MMEL1: variants seen among roughly 807,000 people sequenced by gnomAD.
MMEL1 encodes the protein membrane metalloendopeptidase like 1.
MMEL1 carries 98 observed loss-of-function variants against 117.1 expected under a neutral mutation model. That is an observed-to-expected ratio of 0.84 (90% CI 0.71 to 0.99). The LOEUF (loss-of-function observed/expected upper bound fraction) is 0.99, where lower values mean the gene tolerates loss of function less well. Ranked by LOEUF, MMEL1 falls within the 50% of genes least tolerant of loss-of-function variation. The probability of loss-of-function intolerance (pLI) is 0.00; values close to 1 mark genes in which losing one functional copy is unlikely to be tolerated. For synonymous variants in MMEL1, 390 were observed against 415.1 expected (o/e 0.94, Z 0.74); for missense variants, 1,014 against 1,049.1 (o/e 0.97, Z 0.46).
rs766925929 is a variant in MMEL1 at position 2,595,258 on chromosome 1, C to G, written c.1584+18G>C. On this transcript the variant is annotated intron_variant, in intron 16 of 23. Transcript: ENST00000378412. This position sits in a 1 kb window ranked among gnomAD's most constrained non-coding sequence, Gnocchi z 4.8. ...CCACGGTGTGGGGGGCAGTTTAGGG[C>G]TGGGGTTGGGGGCGCACATTGGAGT... 6.2e-7 allele frequency: 1 copy of G among 1,610,754 alleles called. No individual in the cohort carries two copies. The highest frequency in any genetic ancestry group is 1.1e-5 in the South Asian group (1 of 90,920).
At position 2,630,472 on chromosome 1, in the gene MMEL1, ATG is replaced by A. The variant is rs371684204; in HGVS notation, c.-37-953_-37-952del. ...CGTGTGTGTGCGCTCTGGTGTGTGC[ATG>A]TGTGTGTGTGCACGTGTGTGCGTGT... On this transcript the variant is annotated intron_variant, in intron 1 of 23. Transcript: ENST00000378412. 2.5e-3 allele frequency among the ~76,000 whole-genome samples: 378 copies of A among 151,592 alleles called. 4 individuals are homozygous for A. Among genetic ancestry groups the A allele is most frequent in the African/African-American group, 7.2e-3 (296 of 41,268 alleles).
chr1:2,592,294 T>TACC (rs1644735901), intron 21 of MMEL1, among the ~76,000 whole-genome samples: 1 of 88,982 alleles, frequency 1.1e-5, no homozygotes, highest in Non-Finnish European at 2.4e-5. Context: ...CCCCCTCCCC[T>TACC]GAGGCACTGG....
intron 22 of MMEL1, 54 bp downstream of exon 22, chr1:2,591,878 C>T: frequency 1.3e-6 from 2 of 1,562,518 alleles, no homozygotes; most frequent in African/African-American, 1.4e-5. Flanking sequence ...AGTGGGCCCT[C>T]CAGAGATGAG....
At chr1:2,597,056 G>A (rs1047910023) in intron 13 of MMEL1, among the ~76,000 whole-genome samples, 6 of 152,048 alleles carry the variant, frequency 3.9e-5, no homozygotes, top group African/African-American at 9.7e-5. Flanking sequence ...CTGGGACCAC[G>A]TCCCTCTCAG....
intron 8 of MMEL1, 89 bp downstream of exon 8, chr1:2,606,159 C>G (rs1358117742): frequency 9.6e-7 from 1 of 1,042,678 alleles, no homozygotes; most frequent in Non-Finnish European, 1.5e-6. Flanking sequence ...AGCTCCCTGT[C>G]GGCCTGGCCC....
At chr1:2,594,564 C>G in intron 17 of MMEL1, 121 bp from the exon 18 acceptor site, 2 of 1,261,650 alleles carry the variant, frequency 1.6e-6, no homozygotes, top group South Asian at 1.3e-5. Flanking sequence ...CAGGCCTATC[C>G]CAAGATCTGG....
intron 23 of MMEL1, 120 bp from the exon 24 acceptor site, chr1:2,591,209 A>T (rs541451749): frequency 3.0e-6 from 2 of 666,482 alleles, no homozygotes; most frequent in African/African-American, 1.8e-5. Flanking sequence ...TGTCAGTATG[A>T]GCAGAAACAT....
At chr1:2,605,475 G>T in intron 9 of MMEL1, 83 bp downstream of exon 9, 1 of 1,224,034 alleles carries the variant, frequency 8.2e-7, no homozygotes, top group Non-Finnish European at 1.2e-6. Context: ...GGGAGGGAAG[G>T]CCAGGTGGGC....
In MMEL1 at chr1:2,631,823, C is replaced by T. The variant is rs149468211; in HGVS notation, c.-38+1043G>A. Among the ~76,000 whole-genome samples, 673 of 152,270 alleles carry T rather than the reference C, an allele frequency of 4.4e-3. 3 individuals carry two copies. Among genetic ancestry groups the T allele is most frequent in the African/African-American group, 0.015 (641 of 41,568 alleles). ...CCTCAGCCTCCAAGCCCATCTCAGTCGGACCCTTTCTCATTCCTGCCACTC... is the reference window on the plus strand; with the variant it reads ...CCTCAGCCTCCAAGCCCATCTCAGTTGGACCCTTTCTCATTCCTGCCACTC... On this transcript the variant is annotated intron_variant, in intron 1 of 23. Transcript: ENST00000378412.
In MMEL1 at chr1:2,607,060, T is replaced by C. The variant is rs1645040809; in HGVS notation, c.545A>G (p.Glu182Gly). 1.2e-6 allele frequency: 2 copies of C among 1,612,860 alleles called. No homozygotes were observed. ...CAGCAGGGGCTGAGAGCCTCGCTTC[T>C]CTATCACACCTGAGAAGGGACGCAG... ...YRSCMNQSVI[E>G]KRGSQPLLDI... The change falls in exon 7 of 24, where the codon GAG (glutamate) becomes GGG (glycine). Residue 182 changes from glutamate to glycine, a missense_variant. Glu to Gly is a moderately conservative substitution (Grantham distance 98, BLOSUM62 -2). Coordinates refer to ENST00000378412, the MANE Select transcript of MMEL1 (RefSeq NM_033467.4).
intron 2 of MMEL1, among the ~76,000 whole-genome samples, chr1:2,628,566 G>A (rs555164659): frequency 2.9e-4 from 44 of 152,194 alleles, no homozygotes; most frequent in Non-Finnish European, 5.0e-4. Flanking sequence ...CGGTCTCAGA[G>A]GGACCAGGGC....
intron 2 of MMEL1, among the ~76,000 whole-genome samples, chr1:2,627,704 GA>G (rs1427367590): frequency 6.6e-6 from 1 of 152,230 alleles, no homozygotes; most frequent in Admixed American, 6.5e-5. Context: ...ATAAGTCAAT[GA>G]AAAAGTCATA....
At chr1:2,610,023 G>A (rs1313300068) in intron 4 of MMEL1, among the ~76,000 whole-genome samples, 192 bp from the exon 5 acceptor site, 1 of 152,158 alleles carries the variant, frequency 6.6e-6, no homozygotes, top group African/African-American at 2.4e-5. Context: ...CCCCCAACCT[G>A]GATTCAGTGC....
intron 3 of MMEL1, 185 bp from the exon 4 acceptor site, chr1:2,611,525 A>G (rs541242602): frequency 1.9e-6 from 1 of 523,300 alleles, no homozygotes; most frequent in East Asian, 3.4e-5. Flanking sequence ...CAGGGTAACC[A>G]AAGCATAGTC....
chr1:2,596,281 A>C (rs1471493960), intron 14 of MMEL1, among the ~76,000 whole-genome samples, 174 bp from the exon 15 acceptor site: 1 of 151,888 alleles, frequency 6.6e-6, no homozygotes, highest in Non-Finnish European at 1.5e-5. Context: ...TGACAACCCA[A>C]CTTCAGGGTC....
rs531276996 is a variant in MMEL1, at chr1:2,595,654, G to A, written c.1501-295C>T. On this transcript the variant is annotated intron_variant, in intron 15 of 23. Coordinates refer to ENST00000378412, the MANE Select transcript of MMEL1 (RefSeq NM_033467.4). The surrounding 1 kb of genome is among the most constrained non-coding windows in gnomAD (Gnocchi z 4.8). ...GCCCTGGAGGGGTCACTCGGCTGCCGTCTGTCACTTGGGTCCAGAGGAGCT... is the reference window on the plus strand; with the variant it reads ...GCCCTGGAGGGGTCACTCGGCTGCCATCTGTCACTTGGGTCCAGAGGAGCT... 8.5e-5 allele frequency among the ~76,000 whole-genome samples: 13 copies of A among 152,226 alleles called. No homozygotes were observed. Among genetic ancestry groups the A allele is most frequent in the South Asian group, 2.1e-4 (1 of 4,828 alleles).
intron 11 of MMEL1, among the ~76,000 whole-genome samples, chr1:2,600,935 A>G (rs1423860375): frequency 1.3e-5 from 2 of 152,224 alleles, no homozygotes; most frequent in Non-Finnish European, 2.9e-5. Flanking sequence ...TGAAAGCTTT[A>G]AAAGTTATTA....
rs746281458 is a variant in MMEL1, at chr1:2,593,906, G to A, written c.1775C>T (p.Pro592Leu). ...CTGTGGCTGCTCCTTGCTGAAGAAG[G>A]GGGGCTGGAGGATCCCGGCAGGGAA... ...IVFPAGILQP[P>L]FFSKEQPQAL... The change falls in exon 19 of 24, where the codon CCC (proline) becomes CTC (leucine). Residue 592 changes from proline to leucine, a missense_variant. Pro to Leu is a moderately conservative substitution (Grantham distance 98). Transcript: ENST00000378412. The A allele has an allele frequency of 2.5e-6, 4 of 1,610,700 alleles. No homozygotes were observed. Among genetic ancestry groups the A allele is most frequent in the Non-Finnish European group, 2.5e-6 (3 of 1,178,440 alleles).
chr1:2,602,862 G>C (rs1644955803), intron 11 of MMEL1, among the ~76,000 whole-genome samples: 1 of 151,626 alleles, frequency 6.6e-6, no homozygotes. Flanking sequence ...TGCTGTCCTG[G>C]CTGAGCTCAT....
Sources: gnomAD v4.1 joint callset for allele counts (sites outside exome capture counted in the v4.1 genomes callset) on GRCh38, gnomAD v4.1.1 for gene constraint, Gnocchi (gnomAD v3.1) non-coding constraint, MANE v1.5 for transcripts, NCBI Gene and HGNC (gene_info 2026-07-23, HGNC 2026-07-21) for gene names.